MYO18B: variants seen among roughly 807,000 people sequenced by gnomAD.
MYO18B encodes myosin XVIIIB, also known as unconventional myosin-XVIIIb.
Under a neutral mutation model 273.0 loss-of-function variants are expected in MYO18B, and 204 were observed. The ratio of observed to expected loss-of-function variants is 0.75; its 90% CI spans 0.67 to 0.84. The LOEUF (loss-of-function observed/expected upper bound fraction) is 0.84, where lower values mean the gene tolerates loss of function less well. Ranked by LOEUF, MYO18B falls within the 40% of genes least tolerant of loss-of-function variation. The probability of loss-of-function intolerance (pLI) is 0.00; values close to 1 mark genes in which losing one functional copy is unlikely to be tolerated. For missense variants in MYO18B, 3,212 were observed against 3,287.6 expected, an observed-to-expected ratio of 0.98 and a Z score of 0.56; for synonymous variants, 1,330 against 1,305.7, an observed-to-expected ratio of 1.02 and a Z score of -0.40.
At chr22:25,981,786 CT>C (rs2093151307) in intron 39 of MYO18B, among the ~76,000 whole-genome samples, 1 of 152,176 alleles carries the variant, frequency 6.6e-6, no homozygotes, top group Non-Finnish European at 1.5e-5. Context: ...AGACATTTGG[CT>C]TCTGCTGTGT....
chr22:25,846,135 A>G lies in MYO18B; in HGVS notation c.3404A>G (p.Lys1135Arg), dbSNP rs2090235991. The change falls in exon 19 of 44, where the codon AAG (lysine) becomes AGG (arginine). Residue 1135 changes from lysine to arginine, a missense_variant. Coordinates refer to ENST00000335473, the MANE Select transcript of MYO18B (RefSeq NM_032608.7). ...ELRSLFQARA[K>R]LPPVCRAVAG... ...CGGAGTCTATTCCAGGCCCGGGCCA[A>G]GCTGCCTCCTGTGTGCCGGGCTGTG... 1 of 1,599,066 alleles carries G rather than the reference A, an allele frequency of 6.3e-7. No homozygotes were observed. Among genetic ancestry groups the G allele is most frequent in the Non-Finnish European group, 8.5e-7 (1 of 1,174,630 alleles).
chr22:25,774,057 C>T (rs1244691854), intron 7 of MYO18B, among the ~76,000 whole-genome samples: 1 of 152,204 alleles, frequency 6.6e-6, no homozygotes, highest in Non-Finnish European at 1.5e-5. Context: ...TTTCCATGTT[C>T]TCCTCTGCCA....
chr22:26,013,629 C>T (rs1935083953), intron 42 of MYO18B, among the ~76,000 whole-genome samples: 1 of 152,130 alleles, frequency 6.6e-6, no homozygotes, highest in African/African-American at 2.4e-5. Context: ...ATTTATGTAA[C>T]CATAAGCAGT....
At chr22:25,889,985 AC>A (rs1461826740) in intron 25 of MYO18B, among the ~76,000 whole-genome samples, 6 of 152,246 alleles carry the variant, frequency 3.9e-5, no homozygotes, top group African/African-American at 1.4e-4. Context: ...TAATTTGAAT[AC>A]AAAAACCTAA....
chr22:25,849,801 G>A (rs995000887), intron 20 of MYO18B, among the ~76,000 whole-genome samples: 4 of 152,126 alleles, frequency 2.6e-5, no homozygotes, highest in African/African-American at 9.7e-5. Context: ...GGCTGGGTGC[G>A]TCAATAAGAC....
intron 39 of MYO18B, among the ~76,000 whole-genome samples, chr22:25,962,150 G>A (rs142478502): frequency 4.7e-4 from 71 of 152,238 alleles, no homozygotes; most frequent in African/African-American, 1.6e-3. Context: ...CAAGACCCCA[G>A]TGCCATGTTA....
chr22:25,885,769 G>T (rs552765822), intron 25 of MYO18B, among the ~76,000 whole-genome samples: 21 of 152,232 alleles, frequency 1.4e-4, no homozygotes, highest in Non-Finnish European at 2.5e-4. Context: ...CACTTGGGGG[G>T]CCCTAATGGC....
chr22:26,036,819 T>G, the MYO18B span, among the ~76,000 whole-genome samples: 21 of 152,164 alleles, frequency 1.4e-4, no homozygotes, highest in African/African-American at 5.1e-4. Flanking sequence ...GCCTCACCCT[T>G]GGTAAAGTGA....
intron 17 of MYO18B, among the ~76,000 whole-genome samples, chr22:25,837,552 A>G (rs2089943491): frequency 6.6e-6 from 1 of 152,216 alleles, no homozygotes; most frequent in South Asian, 2.1e-4. Context: ...AACAGTTTAT[A>G]AGAAATTGGG....
chr22:25,957,724 C>T (rs2092870188), intron 39 of MYO18B, among the ~76,000 whole-genome samples: 1 of 152,086 alleles, frequency 6.6e-6, no homozygotes, highest in Admixed American at 6.5e-5. Context: ...GCTCCAGGTG[C>T]TCCTTGGTTT....
chr22:25,889,917 A>G (rs757793301), intron 25 of MYO18B, among the ~76,000 whole-genome samples: 1 of 152,214 alleles, frequency 6.6e-6, no homozygotes, highest in Non-Finnish European at 1.5e-5. Flanking sequence ...CCACGCTCCT[A>G]ATATACAACC....
intron 29 of MYO18B, chr22:25,899,873 A>G (rs1485793468): frequency 6.6e-6 from 1 of 152,052 alleles, no homozygotes; most frequent in African/African-American, 2.4e-5. Context: ...TGGCTCTGAC[A>G]TATACCCCTG....
rs760783299 is a variant in MYO18B at position 25,908,380 on chromosome 22, G to A, written c.5207G>A (p.Arg1736His). Residue 1736 changes from arginine (R) to histidine (H), a missense_variant, in exon 32 of 44, where the codon CGT becomes CAT. Physicochemically the swap from Arg to His is conservative, Grantham distance 29 (BLOSUM62 0). Coordinates refer to ENST00000335473, the MANE Select transcript of MYO18B (RefSeq NM_032608.7). ...ERMKQMHQKD[R>H]EDQEEELEDV... ...ATGAAGCAGATGCACCAGAAGGACC[G>A]TGAGGACCAGGAGGAGGAACTGGAG... 100 of 1,603,280 alleles carry A rather than the reference G, an allele frequency of 6.2e-5. No individual in the cohort carries two copies. The South Asian group carries it at 8.9e-4, about 14-fold the overall frequency.
downstream of MYO18B, among the ~76,000 whole-genome samples, chr22:26,032,036 G>A (rs1316232983): frequency 6.6e-6 from 1 of 152,216 alleles, no homozygotes; most frequent in Admixed American, 6.5e-5. Flanking sequence ...GGGTGGGAAT[G>A]GGAGAAGACC....
chr22:25,889,549 CTCTT>C (rs2091599559), intron 25 of MYO18B, among the ~76,000 whole-genome samples: 1 of 133,048 alleles, frequency 7.5e-6, no homozygotes, highest in African/African-American at 3.0e-5. Context: ...TGCACCCTAC[CTCTT>C]TCTTTTTTTT....
At position 25,934,461 on chromosome 22, in the gene MYO18B, C is replaced by T. The variant is rs114666219; in HGVS notation, c.5518-11676C>T. Among the ~76,000 whole-genome samples the T allele has an allele frequency of 2.0e-3, 311 of 152,172 alleles. 1 individual carries two copies. Among genetic ancestry groups the T allele is most frequent in the African/African-American group, 6.9e-3 (288 of 41,520 alleles). On this transcript the variant is annotated intron_variant, in intron 34 of 43. Coordinates refer to ENST00000335473, the MANE Select transcript of MYO18B (RefSeq NM_032608.7). ...TCCATGGCCAAGACTCTGTGAACCC[C>T]CAGAATTTGAGGCAGGTCTCAGTTA...
intron 32 of MYO18B, among the ~76,000 whole-genome samples, chr22:25,909,926 T>A (rs1289235815): frequency 1.3e-5 from 2 of 152,270 alleles, no homozygotes; most frequent in African/African-American, 2.4e-5. Flanking sequence ...CACTTCGGAT[T>A]TTCCCTGGGT....
At chr22:25,824,042 G>A (rs1046333289) in intron 13 of MYO18B, among the ~76,000 whole-genome samples, 2 of 152,182 alleles carry the variant, frequency 1.3e-5, no homozygotes, top group African/African-American at 4.8e-5. Context: ...TGGAAATCCC[G>A]AGTGGCTGCT....
chr22:25,919,498 G>T (rs545617282), intron 33 of MYO18B, among the ~76,000 whole-genome samples: 1 of 152,284 alleles, frequency 6.6e-6, no homozygotes, highest in African/African-American at 2.4e-5. Context: ...AAAGTGTTTA[G>T]AATAGTATAT....
Sources: gnomAD v4.1 joint callset for allele counts (sites outside exome capture counted in the v4.1 genomes callset) on GRCh38, gnomAD v4.1.1 for gene constraint, MANE v1.5 for transcripts, NCBI Gene and HGNC (gene_info 2026-07-23, HGNC 2026-07-21) for gene names.